PDE1B: variants seen among roughly 807,000 people sequenced by gnomAD.
The protein encoded by PDE1B is phosphodiesterase 1B.
Under a neutral mutation model 66.7 loss-of-function variants are expected in PDE1B, and 13 were observed. The observed-to-expected ratio is 0.19, with a 90% CI of 0.13 to 0.31. The LOEUF (loss-of-function observed/expected upper bound fraction) is 0.31, where lower values mean the gene tolerates loss of function less well. PDE1B is among the 10% of genes least tolerant of loss of function. The pLI, the probability that PDE1B is intolerant of heterozygous loss-of-function variation, is 1.00. For synonymous variants in PDE1B, 230 were observed against 253.9 expected (o/e 0.91, Z 0.90); for missense variants, 485 against 682.3 (o/e 0.71, Z 3.22).
At chr12:54,558,464 G>A (rs1174446479) in intron 2 of PDE1B, among the ~76,000 whole-genome samples, 1 of 151,918 alleles carries the variant, frequency 6.6e-6, no homozygotes, top group Non-Finnish European at 1.5e-5. Context: ...ATTTTTATCT[G>A]TGGAGCCACC....
intron 2 of PDE1B, among the ~76,000 whole-genome samples, chr12:54,552,733 C>G (rs1957294462): frequency 6.6e-6 from 1 of 152,146 alleles, no homozygotes; most frequent in Admixed American, 6.5e-5. Context: ...AACAATTTCT[C>G]TAATTAAGCA....
chr12:54,572,920 G>A (rs369827451), intron 7 of PDE1B, among the ~76,000 whole-genome samples, 179 bp downstream of exon 7: 26 of 152,306 alleles, frequency 1.7e-4, no homozygotes, highest in South Asian at 4.1e-4. Context: ...ACTAAAACTC[G>A]TTGGACAGTG....
In PDE1B at chr12:54,569,315, C is replaced by G; in HGVS notation, c.359C>G (p.Pro120Arg). 6.2e-7 allele frequency: 1 copy of G among 1,613,848 alleles called. No individual in the cohort carries two copies. The change falls in exon 4 of 16, where the codon CCC becomes CGC. Residue 120 changes from proline to arginine, a missense_variant. Around this residue, in one of 4 missense-constraint regions of PDE1B, gnomAD observed 282 missense variants for 453.4 expected, o/e 0.62. Transcript: ENST00000243052. This position sits in a 1 kb window ranked among gnomAD's most constrained non-coding sequence, Gnocchi z 4.4. ...RAKGRRAEEK[P>R]KFRSIVHAVQ... ...AAAGGCCGCCGAGCAGAGGAGAAGC[C>G]CAAGTTCCGAAGCATTGTGCACGCT...
At chr12:54,567,245 C>T (rs895425914) in intron 3 of PDE1B, among the ~76,000 whole-genome samples, 158 bp downstream of exon 3, 4 of 152,036 alleles carry the variant, frequency 2.6e-5, no homozygotes, top group African/African-American at 9.7e-5. Flanking sequence ...TGGCTCACAC[C>T]TGTAATCCTA....
chr12:54,573,588 C>T lies in PDE1B; in HGVS notation c.963-20C>T. 6.2e-7 allele frequency: 1 copy of T among 1,612,960 alleles called. No homozygotes were observed. Among genetic ancestry groups the T allele is most frequent in the Non-Finnish European group, 8.5e-7 (1 of 1,178,912 alleles). On this transcript the variant is annotated intron_variant, in intron 9 of 15. Coordinates refer to ENST00000243052, the MANE Select transcript of PDE1B (RefSeq NM_000924.4). This position sits in a 1 kb window ranked among gnomAD's most constrained non-coding sequence, Gnocchi z 5.2. ...GCAGCGCTGAGGGGACTGATTGCTT[C>T]TCTTTTTATGTCCGCTCAGAGAACT...
chr12:54,574,094 C>CA (rs1168462138), intron 10 of PDE1B: 1 of 224,130 alleles, frequency 4.5e-6, no homozygotes, highest in Non-Finnish European at 9.0e-6. Flanking sequence ...ACGCCTCCCC[C>CA]CACAACAGCT....
intron 2 of PDE1B, chr12:54,561,781 T>TGC (rs1491573850): frequency 1.2e-4 from 55 of 470,504 alleles, no homozygotes; most frequent in South Asian, 3.2e-4. Flanking sequence ...TGTGTGTGTG[T>TGC]GCGCGTGCCA....
At chr12:54,565,481 A>G (rs953632704) in intron 2 of PDE1B, among the ~76,000 whole-genome samples, 1 of 152,180 alleles carries the variant, frequency 6.6e-6, no homozygotes, top group South Asian at 2.1e-4. Context: ...CTTTTATGAT[A>G]TATCTCGCCT....
Position 54,575,981 on chromosome 12 carries a change from CT to C in PDE1B, c.1268-10del. 1 of 1,576,588 alleles carries C rather than the reference CT, an allele frequency of 6.3e-7. No homozygotes were observed. The highest frequency in any genetic ancestry group is 8.7e-7 in the Non-Finnish European group (1 of 1,145,774). ...GTAAGACATCTCTACGGCATTGCTCCTCCACTGCAGGGTTCATCGACTTCAT... is the reference window on the plus strand; with the variant it reads ...GTAAGACATCTCTACGGCATTGCTCCCCACTGCAGGGTTCATCGACTTCAT... On this transcript the variant is annotated splice_polypyrimidine_tract_variant and intron_variant, in intron 12 of 15. Coordinates refer to ENST00000243052, the MANE Select transcript of PDE1B (RefSeq NM_000924.4). This position sits in a 1 kb window ranked among gnomAD's most constrained non-coding sequence, Gnocchi z 4.0.
At chr12:54,564,143 C>A (rs528195243) in intron 2 of PDE1B, among the ~76,000 whole-genome samples, 1 of 152,176 alleles carries the variant, frequency 6.6e-6, no homozygotes, top group Non-Finnish European at 1.5e-5. Context: ...CTGAAAGGAT[C>A]CAGGTGCTGA....
chr12:54,560,972 C>A (rs1417687299), intron 2 of PDE1B, among the ~76,000 whole-genome samples: 1 of 152,142 alleles, frequency 6.6e-6, no homozygotes, highest in African/African-American at 2.4e-5. Flanking sequence ...CCCCTGACAC[C>A]TAGCTTCAGG....
chr12:54,559,223 T>G, intron 2 of PDE1B, among the ~76,000 whole-genome samples: 1 of 143,368 alleles, frequency 7.0e-6, no homozygotes, highest in East Asian at 2.1e-4. Context: ...CCCACCCCTT[T>G]ACCCCCACCC....
chr12:54,576,385 G>A, intron 13 of PDE1B, 186 bp from the exon 14 acceptor site: 1 of 651,200 alleles, frequency 1.5e-6, no homozygotes. Flanking sequence ...GGGAAGATGT[G>A]GAGAGGGAGG....
At position 54,569,414 on chromosome 12, in the gene PDE1B, T is replaced by C; in HGVS notation, c.410+48T>C. ...CTCCCTCTGCCTTTAGCTGTGCCCCTCTTTCCCAGCCACCCTGGTCTTCCA... is the reference window on the plus strand; with the variant it reads ...CTCCCTCTGCCTTTAGCTGTGCCCCCCTTTCCCAGCCACCCTGGTCTTCCA... On this transcript the variant is annotated intron_variant, in intron 4 of 15. Transcript: ENST00000243052. This position sits in a 1 kb window ranked among gnomAD's most constrained non-coding sequence, Gnocchi z 4.4. 1 of 1,589,398 alleles carries C rather than the reference T, an allele frequency of 6.3e-7. No individual in the cohort carries two copies. Among genetic ancestry groups the C allele is most frequent in the Non-Finnish European group, 8.6e-7 (1 of 1,165,730 alleles).
At position 54,569,919 on chromosome 12, in the gene PDE1B, C is replaced by G. The variant is rs1055012552; in HGVS notation, c.477+307C>G. Among the ~76,000 whole-genome samples the G allele has an allele frequency of 6.6e-6, 1 of 152,060 alleles. No individual in the cohort carries two copies. Among genetic ancestry groups the G allele is most frequent in the South Asian group, 2.1e-4 (1 of 4,820 alleles). On this transcript the variant is annotated intron_variant, in intron 5 of 15. Coordinates refer to ENST00000243052, the MANE Select transcript of PDE1B (RefSeq NM_000924.4). The surrounding 1 kb of genome is among the most constrained non-coding windows in gnomAD (Gnocchi z 4.4). ...TTCACCATGTTGGCCAGGCTGGTCT[C>G]GAACTCTTGACCTCAAGTGTTCTGC...
At chr12:54,558,635 C>A (rs960597140) in intron 2 of PDE1B, among the ~76,000 whole-genome samples, 1 of 152,134 alleles carries the variant, frequency 6.6e-6, no homozygotes, top group African/African-American at 2.4e-5. Context: ...GCAGCCTCTG[C>A]CTCCACTGCC....
intron 2 of PDE1B, among the ~76,000 whole-genome samples, chr12:54,550,481 G>A (rs1041447665): frequency 2.2e-4 from 33 of 152,200 alleles, no homozygotes; most frequent in African/African-American, 7.5e-4. Flanking sequence ...TATCTCAGTT[G>A]GGATTGGTAG....
chr12:54,575,901 A>G lies in PDE1B; in HGVS notation c.1268-91A>G. Reference sequence around the variant, plus strand: ...TACCTCTCCATCCTCTTTCATAAGCAGCCAGGGGTCCTGGCCATGCCAGCT... The same window carrying G: ...TACCTCTCCATCCTCTTTCATAAGCGGCCAGGGGTCCTGGCCATGCCAGCT... On this transcript the variant is annotated intron_variant, in intron 12 of 15. Coordinates refer to ENST00000243052, the MANE Select transcript of PDE1B (RefSeq NM_000924.4). This position sits in a 1 kb window ranked among gnomAD's most constrained non-coding sequence, Gnocchi z 4.0. 1 of 961,116 alleles carries G rather than the reference A, an allele frequency of 1.0e-6. No individual in the cohort carries two copies. The highest frequency in any genetic ancestry group is 1.3e-5 in the South Asian group (1 of 77,124). The allele number at this position is 961,116 out of a possible 1,614,324, so 59.5% of individuals were successfully genotyped here.
intron 2 of PDE1B, among the ~76,000 whole-genome samples, chr12:54,551,489 A>G (rs1451528307): frequency 6.6e-6 from 1 of 152,210 alleles, no homozygotes; most frequent in Non-Finnish European, 1.5e-5. Context: ...ATAGAAAATG[A>G]CGCTGCGTTA....
Sources: allele counts gnomAD v4.1 joint callset (sites outside exome capture counted in the v4.1 genomes callset), GRCh38; gene constraint gnomAD v4.1.1; regional missense constraint gnomAD v4.1.1; non-coding constraint Gnocchi (gnomAD v3.1); transcripts MANE v1.5; gene names NCBI Gene and HGNC (gene_info 2026-07-23, HGNC 2026-07-21).